Variants in AKAP6 observed in about 807,000 individuals in gnomAD.
AKAP6 encodes A-kinase anchor protein 6.
A neutral mutation model predicts 188.5 loss-of-function variants in AKAP6; 58 were observed. The ratio of observed to expected loss-of-function variants is 0.31; its 90% CI spans 0.25 to 0.38. AKAP6 has a LOEUF of 0.38. Among genes scored for constraint, AKAP6 ranks in the 10% least tolerant of loss-of-function variants. The probability of loss-of-function intolerance (pLI) is 1.00; values close to 1 mark genes in which losing one functional copy is unlikely to be tolerated. For missense variants in AKAP6, 2,710 were observed against 2,740.0 expected (o/e 0.99, Z 0.24); for synonymous variants, 989 against 998.6 (o/e 0.99, Z 0.18).
rs1195768166 is a variant in AKAP6, at chr14:32,546,281, G to A, written c.1628G>A (p.Gly543Glu). ...TCTTATACTTCCAAGGCCATAGAGGGGCCACAAACAAATTCTGCTTCCACA... is the reference window on the plus strand; with the variant it reads ...TCTTATACTTCCAAGGCCATAGAGGAGCCACAAACAAATTCTGCTTCCACA... The part of the protein sequence containing the change: ...ELSYTSKAIE[G>E]PQTNSASTSS... Residue 543 changes from glycine to glutamate, a missense_variant, in exon 4 of 14, where the codon GGG becomes GAG. Around this residue, in one of 2 missense-constraint regions of AKAP6, gnomAD observed 2,473 missense variants for 2,426.1 expected, o/e 1.02. Transcript: ENST00000280979. The A allele has an allele frequency of 1.2e-6, 2 of 1,613,958 alleles. No homozygotes were observed. Among genetic ancestry groups the A allele is most frequent in the African/African-American group, 2.7e-5 (2 of 74,888 alleles).
intron 1 of AKAP6, among the ~76,000 whole-genome samples, chr14:32,343,912 C>A (rs767520412): frequency 6.6e-6 from 1 of 151,968 alleles, no homozygotes; most frequent in Non-Finnish European, 1.5e-5. Context: ...GTGGTCATAA[C>A]GTTCTCTGAA....
chr14:32,439,634 G>A (rs1299797818), intron 2 of AKAP6, among the ~76,000 whole-genome samples: 1 of 152,196 alleles, frequency 6.6e-6, no homozygotes, highest in Admixed American at 6.5e-5. Context: ...GTGCCACCAA[G>A]GTGACAACTG....
intron 2 of AKAP6, among the ~76,000 whole-genome samples, chr14:32,506,194 A>T (rs1880869486): frequency 6.6e-6 from 1 of 152,196 alleles, no homozygotes. Flanking sequence ...CACATAAAAA[A>T]GTTAATAAAC....
chr14:32,552,692 T>C (rs1179393001), intron 4 of AKAP6, among the ~76,000 whole-genome samples: 1 of 152,142 alleles, frequency 6.6e-6, no homozygotes, highest in African/African-American at 2.4e-5. Context: ...AAACACAATA[T>C]GAGGCAAAGG....
At chr14:32,594,086 A>G (rs2139329157) in intron 5 of AKAP6, among the ~76,000 whole-genome samples, 1 of 152,294 alleles carries the variant, frequency 6.6e-6, no homozygotes. Flanking sequence ...CACTGCTTTA[A>G]CGCTTTATAT....
chr14:32,824,347 A>C lies in AKAP6; in HGVS notation c.6534A>C (p.Glu2178Asp). The change falls in exon 13 of 14, where the codon GAA (glutamate) becomes GAC (aspartate). Residue 2178 changes from glutamate to aspartate, a missense_variant. By Grantham distance (45) the Glu-to-Asp change is conservative. Transcript: ENST00000280979. ...GTTTCTCTAGTGCTCCTCCAAATGA[A>C]TCTGCAGTTCCCAGCGAAGCTGCAA... Reference protein sequence around the residue: ...EPCFSSAPPNESAVPSEAAMP... With the variant: ...EPCFSSAPPNDSAVPSEAAMP... 1.2e-6 allele frequency: 2 copies of C among 1,613,858 alleles called. No homozygotes were observed. Among genetic ancestry groups the C allele is most frequent in the Admixed American group, 1.7e-5 (1 of 59,914 alleles).
chr14:32,630,739 G>T (rs1887232654), intron 7 of AKAP6, among the ~76,000 whole-genome samples: 1 of 151,868 alleles, frequency 6.6e-6, no homozygotes, highest in Admixed American at 6.6e-5. Context: ...GATACAAAGG[G>T]GTTAGTTCTT....
At chr14:32,509,812 G>C (rs1479646788) in intron 2 of AKAP6, among the ~76,000 whole-genome samples, 1 of 152,078 alleles carries the variant, frequency 6.6e-6, no homozygotes, top group African/African-American at 2.4e-5. Context: ...GAGTCCTGCT[G>C]GGACTCTGCT....
intron 7 of AKAP6, among the ~76,000 whole-genome samples, chr14:32,659,330 T>C (rs1334500525): frequency 6.6e-6 from 1 of 152,146 alleles, no homozygotes; most frequent in African/African-American, 2.4e-5. Flanking sequence ...CATGTGTTTG[T>C]GCTGTCAGGG....
intron 11 of AKAP6, among the ~76,000 whole-genome samples, chr14:32,765,718 A>AC (rs1004429875): frequency 2.6e-5 from 4 of 151,890 alleles, no homozygotes; most frequent in African/African-American, 7.3e-5. Context: ...TAAAAAAAAA[A>AC]AAAAAACCTA....
intron 12 of AKAP6, among the ~76,000 whole-genome samples, chr14:32,778,762 G>A (rs1000632794): frequency 6.9e-6 from 1 of 145,258 alleles, no homozygotes. Context: ...GCGCAGGCTA[G>A]TCTCAAACTC....
intron 1 of AKAP6, among the ~76,000 whole-genome samples, chr14:32,376,682 AG>A (rs1424086826): frequency 6.6e-6 from 1 of 152,164 alleles, no homozygotes; most frequent in Admixed American, 6.5e-5. Context: ...GAGAATAAGA[AG>A]GGTATATGTT....
intron 12 of AKAP6, among the ~76,000 whole-genome samples, chr14:32,797,940 A>AAC (rs2033822924): frequency 1.3e-5 from 2 of 151,410 alleles, no homozygotes; most frequent in Non-Finnish European, 2.9e-5. Context: ...AAAAAAAAAA[A>AAC]CCATTAACAG....
At chr14:32,430,357 G>A (rs538046388) in intron 1 of AKAP6, among the ~76,000 whole-genome samples, 1 of 152,204 alleles carries the variant, frequency 6.6e-6, no homozygotes, top group Non-Finnish European at 1.5e-5. Flanking sequence ...AAACTGCAGT[G>A]TGCTTAGTGC....
chr14:32,530,119 T>A (rs1882338973), intron 2 of AKAP6, among the ~76,000 whole-genome samples: 1 of 151,958 alleles, frequency 6.6e-6, no homozygotes, highest in Non-Finnish European at 1.5e-5. Flanking sequence ...CTACACCTCG[T>A]GGGCTGAAGG....
chr14:32,799,223 C>T (rs2033865383), intron 12 of AKAP6, among the ~76,000 whole-genome samples: 1 of 152,152 alleles, frequency 6.6e-6, no homozygotes, highest in East Asian at 1.9e-4. Context: ...CAAAGCTAAA[C>T]CAGTTGAATT....
At chr14:32,556,697 A>G (rs1177679959) in intron 4 of AKAP6, among the ~76,000 whole-genome samples, 1 of 152,062 alleles carries the variant, frequency 6.6e-6, no homozygotes, top group Non-Finnish European at 1.5e-5. Context: ...ATTTTCTCCC[A>G]TTCTGTAGCC....
chr14:32,824,782 C>T lies in AKAP6; in HGVS notation c.*9C>T, dbSNP rs1184430653. On this transcript the variant is annotated 3_prime_UTR_variant, in exon 13 of 14. Transcript: ENST00000280979. ...GAAATATGCATAGGTAGAATGTACC[C>T]CCTCCCCAAGCATGAAAATCATCTC... 1.9e-6 allele frequency: 3 copies of T among 1,602,300 alleles called. No individual in the cohort carries two copies. The highest frequency in any genetic ancestry group is 1.1e-5 in the South Asian group (1 of 89,112).
chr14:32,391,882 T>C (rs1360646141), intron 1 of AKAP6, among the ~76,000 whole-genome samples: 4 of 152,178 alleles, frequency 2.6e-5, no homozygotes, highest in Non-Finnish European at 4.4e-5. Flanking sequence ...TTTATAGCAG[T>C]GTGAGAATGG....
Sources: allele counts gnomAD v4.1 joint callset (sites outside exome capture counted in the v4.1 genomes callset), GRCh38; gene constraint gnomAD v4.1.1; regional missense constraint gnomAD v4.1.1; transcripts MANE v1.5; gene names NCBI Gene and HGNC (gene_info 2026-07-23, HGNC 2026-07-21).